Variants in ARRB1 observed in about 807,000 individuals in gnomAD.
The protein encoded by ARRB1 is beta-arrestin-1.
ARRB1 carries 21 observed loss-of-function variants against 56.8 expected under a neutral mutation model. The ratio of observed to expected loss-of-function variants is 0.37; its 90% CI spans 0.26 to 0.53. The LOEUF is 0.53. Ranked by LOEUF, ARRB1 falls within the 20% of genes least tolerant of loss-of-function variation. ARRB1 has a pLI of 0.88. For synonymous variants in ARRB1, 210 were observed against 218.6 expected (o/e 0.96, Z 0.35); for missense variants, 424 against 553.7 (o/e 0.77, Z 2.35).
rs1426616632 is a variant in ARRB1 at position 75,279,353 on chromosome 11, A to T, written c.483-609T>A. The stretch of plus-strand genomic sequence containing the variant: ...GGGATGCAAGCCAGTGAAGGGGACA[A>T]GCCCAGGGAGGGGAGAAGGCCCATG... On this transcript the variant is annotated intron_variant, in intron 7 of 15. Coordinates refer to ENST00000420843, the MANE Select transcript of ARRB1 (RefSeq NM_004041.5). Among the ~76,000 whole-genome samples, 5 of 152,174 alleles carry T rather than the reference A, an allele frequency of 3.3e-5. No homozygotes were observed. The East Asian group carries it at 9.6e-4, about 29-fold the overall frequency.
chr11:75,302,231 G>A (rs1292257345), intron 1 of ARRB1, among the ~76,000 whole-genome samples: 1 of 152,210 alleles, frequency 6.6e-6, no homozygotes, highest in African/African-American at 2.4e-5. Context: ...AGACTCCTGG[G>A]CTGCAGACTT....
intron 13 of ARRB1, chr11:75,269,192 A>T (rs1946014654): frequency 8.2e-6 from 6 of 730,616 alleles, no homozygotes; most frequent in Admixed American, 7.0e-5. Flanking sequence ...CTTTCCTGAG[A>T]AGGCTCTCTG....
chr11:75,350,678 G>T (rs1331436683), intron 1 of ARRB1, among the ~76,000 whole-genome samples: 2 of 152,212 alleles, frequency 1.3e-5, no homozygotes, highest in African/African-American at 4.8e-5. Flanking sequence ...CCAGCCCTAG[G>T]TTCAAAACAG....
intron 1 of ARRB1, among the ~76,000 whole-genome samples, chr11:75,306,899 A>G (rs966599573): frequency 7.3e-6 from 1 of 137,716 alleles, no homozygotes; most frequent in Non-Finnish European, 1.5e-5. Flanking sequence ...TCCCTAGACC[A>G]CTTTCCATTC....
rs754444775 is a variant in ARRB1 at position 75,281,055 on chromosome 11, C to A, written c.482+20G>T. On this transcript the variant is annotated intron_variant, in intron 7 of 15. Coordinates refer to ENST00000420843, the MANE Select transcript of ARRB1 (RefSeq NM_004041.5). Reference sequence around the variant, plus strand: ...CCTCCCTCACCCAGCAGGCGGCCCACACCCTGGCATCCTACTCACCGCTTG... The same window carrying A: ...CCTCCCTCACCCAGCAGGCGGCCCAAACCCTGGCATCCTACTCACCGCTTG... 4 of 1,594,224 alleles carry A rather than the reference C, an allele frequency of 2.5e-6. No individual in the cohort carries two copies. The highest frequency in any genetic ancestry group is 3.4e-6 in the Non-Finnish European group (4 of 1,169,568).
Position 75,262,043 on chromosome 11 carries a change from G to A in ARRB1, c.*4120C>T, listed in dbSNP as rs1297103136. The A allele has an allele frequency of 3.3e-5, 5 of 152,200 alleles. No individual in the cohort carries two copies. The highest frequency in any genetic ancestry group is 7.3e-5 in the Non-Finnish European group (5 of 68,036). The allele number at this position is 152,200 out of a possible 1,614,324, so 9.4% of individuals were successfully genotyped here. ...TGTGGCTCGGCTCTCAGGACAAAAGGCTTGGGTTTTTCCTGGGCCCGAAGC... is the reference window on the plus strand; with the variant it reads ...TGTGGCTCGGCTCTCAGGACAAAAGACTTGGGTTTTTCCTGGGCCCGAAGC... On this transcript the variant is annotated 3_prime_UTR_variant, in exon 16 of 16. Transcript: ENST00000420843.
Position 75,306,030 on chromosome 11 carries a change from G to T in ARRB1, c.21-15991C>A, listed in dbSNP as rs975560316. ...CATCCTCTGTGATCCACCCTTCCCC[G>T]CACACCCCGACACCACACTGCAAAG... On this transcript the variant is annotated intron_variant, in intron 1 of 15. Coordinates refer to ENST00000420843, the MANE Select transcript of ARRB1 (RefSeq NM_004041.5). 2.0e-5 allele frequency among the ~76,000 whole-genome samples: 3 copies of T among 151,710 alleles called. 1 individual carries two copies. Among genetic ancestry groups the T allele is most frequent in the Admixed American group, 1.3e-4 (2 of 15,226 alleles).
At chr11:75,290,157 G>T in intron 1 of ARRB1, 118 bp from the exon 2 acceptor site, 2 of 1,233,180 alleles carry the variant, frequency 1.6e-6, no homozygotes, top group South Asian at 1.3e-5. Context: ...CAGGCACCAT[G>T]CAGGCTTGAG....
chr11:75,332,860 A>C (rs1470940143), intron 1 of ARRB1, among the ~76,000 whole-genome samples: 1 of 151,842 alleles, frequency 6.6e-6, no homozygotes, highest in Non-Finnish European at 1.5e-5. Context: ...GCGCCACTGC[A>C]CTCTGGCCTG....
chr11:75,333,894 G>T (rs1947559718), intron 1 of ARRB1, among the ~76,000 whole-genome samples: 1 of 152,206 alleles, frequency 6.6e-6, no homozygotes, highest in Non-Finnish European at 1.5e-5. Context: ...CACCCTGCCA[G>T]CCTGGCTTCC....
rs906839850 is a variant in ARRB1, at chr11:75,306,532, G to A, written c.21-16493C>T. On this transcript the variant is annotated intron_variant, in intron 1 of 15. Transcript: ENST00000420843. ...AGAGAGGAAAAGCAAACTTCCTGGT[G>A]AGTCAGATAGAAAGTCTTACCCCAT... The A allele has an allele frequency of 7.9e-6, 9 of 1,144,192 alleles. No homozygotes were observed. In the East Asian group the frequency reaches 2.3e-4, roughly 29 times the overall value. 70.9% of individuals were successfully genotyped at this position (1,144,192 alleles called of 1,614,324 possible).
At chr11:75,328,499 G>A (rs546767041) in intron 1 of ARRB1, among the ~76,000 whole-genome samples, 18 of 152,310 alleles carry the variant, frequency 1.2e-4, no homozygotes, top group African/African-American at 4.1e-4. Flanking sequence ...TGATACAGAT[G>A]GTGACTTGAA....
chr11:75,278,662 G>T lies in ARRB1; in HGVS notation c.565C>A (p.Gln189Lys). The T allele has an allele frequency of 6.2e-7, 1 of 1,614,188 alleles. No homozygotes were observed. The highest frequency in any genetic ancestry group is 8.5e-7 in the Non-Finnish European group (1 of 1,180,034). ...AAGGGCTTGTCCGACATGAGGAACT[G>T]CCTGGTGGTCTCGGCTGTGGGCTGG... ...GPQPTAETTRQFLMSDKPLHL... is the reference protein window; with the variant it reads ...GPQPTAETTRKFLMSDKPLHL... Residue 189 changes from glutamine to lysine, a missense_variant, in exon 8 of 16, where the codon CAG (glutamine) becomes AAG (lysine). This residue lies in a region of ARRB1 where 301 missense variants were observed against 387.9 expected (regional missense o/e 0.78). Coordinates refer to ENST00000420843, the MANE Select transcript of ARRB1 (RefSeq NM_004041.5).
At chr11:75,310,432 C>T (rs112786901) in intron 1 of ARRB1, among the ~76,000 whole-genome samples, 9 of 152,256 alleles carry the variant, frequency 5.9e-5, no homozygotes, top group South Asian at 4.1e-4. Flanking sequence ...TATAAGGAAT[C>T]GCATGTAAGA....
rs1392444983 is a variant in ARRB1 at position 75,274,076 on chromosome 11, G to C, written c.912C>G (p.Thr304=). The C allele has an allele frequency of 2.5e-6, 4 of 1,614,192 alleles. No homozygotes were observed. Among genetic ancestry groups the C allele is most frequent in the Admixed American group, 1.7e-5 (1 of 60,026 alleles). ...KHEDTNLASS[T]LLREGANREI... ...GGGCTAGGAGGGCAGGTCCTCACAG[G>C]GTGCTAGAGGCCAAGTTCGTGTCTT... The change falls in exon 11 of 16, where the codon ACC becomes ACG. Residue 304 remains threonine, a splice_region_variant and synonymous_variant. Transcript: ENST00000420843.
chr11:75,267,779 C>A, intron 14 of ARRB1, 76 bp from the exon 15 acceptor site: 3 of 1,300,136 alleles, frequency 2.3e-6, no homozygotes, highest in Non-Finnish European at 3.3e-6. Flanking sequence ...GCACAGGCCC[C>A]CACCCTGGGA....
At chr11:75,270,202 C>G (rs1297226110) in intron 13 of ARRB1, among the ~76,000 whole-genome samples, 1 of 152,256 alleles carries the variant, frequency 6.6e-6, no homozygotes, top group African/African-American at 2.4e-5. Context: ...GAAGCTTGAC[C>G]AGGCGCAGTG....
intron 3 of ARRB1, among the ~76,000 whole-genome samples, chr11:75,286,255 C>CTTTTTT (rs60988072): frequency 7.7e-5 from 3 of 38,734 alleles, no homozygotes; most frequent in African/African-American, 3.2e-4. Flanking sequence ...ATTTGCTCAT[C>CTTTTTT]TTTTTTTTTT....
chr11:75,283,346 G>C lies in ARRB1; in HGVS notation c.295C>G (p.Arg99Gly). 6.2e-7 allele frequency: 1 copy of C among 1,614,050 alleles called. No homozygotes were observed. Reference sequence around the variant, plus strand: ...TTCTTGATGAGGCGTTCCTGCAGCCGCGTCAGGGGCTTCTTGTCCTCGGGG... The same window carrying C: ...TTCTTGATGAGGCGTTCCTGCAGCCCCGTCAGGGGCTTCTTGTCCTCGGGG... ...PAPEDKKPLT[R>G]LQERLIKKLG... The change falls in exon 5 of 16, where the codon CGG becomes GGG. Residue 99 changes from arginine (R) to glycine (G), a missense_variant. This residue lies in a region of ARRB1 where 301 missense variants were observed against 387.9 expected (regional missense o/e 0.78). Coordinates refer to ENST00000420843, the MANE Select transcript of ARRB1 (RefSeq NM_004041.5).
Sources: allele counts gnomAD v4.1 joint callset (sites outside exome capture counted in the v4.1 genomes callset), GRCh38; gene constraint gnomAD v4.1.1; regional missense constraint gnomAD v4.1.1; transcripts MANE v1.5; gene names NCBI Gene and HGNC (gene_info 2026-07-23, HGNC 2026-07-21).